CSGALNACT1: variants seen among roughly 807,000 people sequenced by gnomAD.
CSGALNACT1 encodes the protein beta4GalNAcT-1.
Under a neutral mutation model 51.0 loss-of-function variants are expected in CSGALNACT1, and 52 were observed. The ratio of observed to expected loss-of-function variants is 1.02; its 90% CI spans 0.82 to 1.29. The LOEUF (loss-of-function observed/expected upper bound fraction) is 1.29, where lower values mean the gene tolerates loss of function less well. Among genes scored for constraint, CSGALNACT1 ranks in the 50% most tolerant of loss-of-function variants. The pLI is 0.00. For synonymous variants in CSGALNACT1, 341 were observed against 254.4 expected (o/e 1.34, Z -3.24); for missense variants, 935 against 679.2 (o/e 1.38, Z -4.19).
chr8:19,411,958 G>C (rs2153675409), intron 8 of CSGALNACT1, among the ~76,000 whole-genome samples: 1 of 151,854 alleles, frequency 6.6e-6, no homozygotes, highest in South Asian at 2.1e-4. Flanking sequence ...AGCCTCCCGA[G>C]TAGCTGGGAT....
At chr8:19,431,688 G>A (rs1371003299) in intron 6 of CSGALNACT1, among the ~76,000 whole-genome samples, 1 of 151,992 alleles carries the variant, frequency 6.6e-6, no homozygotes, top group African/African-American at 2.4e-5. Context: ...AGAGTAAGTT[G>A]GAAAGTGTTC....
At chr8:19,638,679 A>G (rs147862672) in intron 1 of CSGALNACT1, among the ~76,000 whole-genome samples, 1 of 152,326 alleles carries the variant, frequency 6.6e-6, no homozygotes, top group Admixed American at 6.5e-5. Context: ...AAGTGATCAT[A>G]TAAGTGAGAA....
At chr8:19,747,092 C>A (rs137873734) in intron 1 of CSGALNACT1, among the ~76,000 whole-genome samples, 2 of 152,340 alleles carry the variant, frequency 1.3e-5, no homozygotes, top group East Asian at 3.9e-4. Flanking sequence ...ACATTCACAT[C>A]CCATCCCACC....
upstream of CSGALNACT1, among the ~76,000 whole-genome samples, chr8:19,604,900 G>C (rs1216946527): frequency 1.4e-5 from 2 of 138,414 alleles, no homozygotes; most frequent in African/African-American, 5.6e-5. Context: ...GGGCGACAGA[G>C]CAAGACTCTG....
At chr8:19,724,816 G>C (rs2063307057) in intron 1 of CSGALNACT1, among the ~76,000 whole-genome samples, 1 of 152,182 alleles carries the variant, frequency 6.6e-6, no homozygotes, top group Non-Finnish European at 1.5e-5. Context: ...TCTGCGTGTT[G>C]TTGCCATGTG....
rs114433633 is a variant in CSGALNACT1, at chr8:19,484,699, G to C, written c.634+20502C>G. On this transcript the variant is annotated intron_variant, in intron 4 of 9. Transcript: ENST00000454498. ...TGTGTCTCCCCAAAATTCACATGTT[G>C]AAACTCTAATCCCTAGTACCTCAGA... 6.7e-3 allele frequency among the ~76,000 whole-genome samples: 1,013 copies of C among 152,282 alleles called. 18 individuals are homozygous for C. Among genetic ancestry groups the C allele is most frequent in the African/African-American group, 0.022 (931 of 41,552 alleles).
At chr8:19,429,798 G>A (rs1259819614) in intron 6 of CSGALNACT1, among the ~76,000 whole-genome samples, 1 of 152,206 alleles carries the variant, frequency 6.6e-6, no homozygotes, top group Non-Finnish European at 1.5e-5. Flanking sequence ...GTAAGGAACT[G>A]CCACACTGTT....
intron 1 of CSGALNACT1, among the ~76,000 whole-genome samples, chr8:19,731,909 G>A (rs1479681255): frequency 6.6e-6 from 1 of 152,152 alleles, no homozygotes; most frequent in Non-Finnish European, 1.5e-5. Flanking sequence ...TAATAACCAA[G>A]CTGTCAGGCC....
In CSGALNACT1 at chr8:19,424,522, C is replaced by T. The variant is rs534092885; in HGVS notation, c.954-4004G>A. Among the ~76,000 whole-genome samples the T allele has an allele frequency of 2.6e-3, 397 of 152,302 alleles. 3 individuals carry two copies. Among genetic ancestry groups the T allele is most frequent in the Non-Finnish European group, 4.7e-3 (321 of 68,014 alleles). On this transcript the variant is annotated intron_variant, in intron 6 of 9. Transcript: ENST00000454498. ...CATGAAAAAAAATCAAGACAACTTC[C>T]TGTCTTTGCCAAACCTCCTGGGCCT...
chr8:19,405,127 A>T, exon 10 of CSGALNACT1: 1 of 453,026 alleles, frequency 2.2e-6, no homozygotes, highest in Non-Finnish European at 4.4e-6. Context: ...TAAGCAGACT[A>T]TAACTCACAA....
chr8:19,658,871 T>G (rs950499615), intron 1 of CSGALNACT1, among the ~76,000 whole-genome samples: 1 of 152,244 alleles, frequency 6.6e-6, no homozygotes, highest in Admixed American at 6.5e-5. Context: ...ACATAGTGTT[T>G]ATCTTCCAAC....
intron 1 of CSGALNACT1, among the ~76,000 whole-genome samples, chr8:19,746,241 C>T (rs953050098): frequency 6.6e-6 from 1 of 152,070 alleles, no homozygotes; most frequent in African/African-American, 2.4e-5. Flanking sequence ...CTCCTGGGGT[C>T]AGAATCCACT....
intron 4 of CSGALNACT1, among the ~76,000 whole-genome samples, chr8:19,483,652 CA>C (rs1401066380): frequency 6.6e-6 from 1 of 152,196 alleles, no homozygotes; most frequent in African/African-American, 2.4e-5. Flanking sequence ...ATGCCCCATA[CA>C]ACAATTATGT....
chr8:19,592,238 C>T (rs912972011), intron 2 of CSGALNACT1, among the ~76,000 whole-genome samples: 33 of 152,222 alleles, frequency 2.2e-4, no homozygotes, highest in African/African-American at 7.5e-4. Context: ...AACCAGAACC[C>T]AGTACATTAG....
rs138170478 is a variant in CSGALNACT1 at position 19,583,284 on chromosome 8, C to T, written c.-297+7876G>A. Reference sequence around the variant, plus strand: ...TTATAATTGTCCATGTATTTATCTACAGTGATAGTACTTTTTTCTTTGTAC... The same window carrying T: ...TTATAATTGTCCATGTATTTATCTATAGTGATAGTACTTTTTTCTTTGTAC... On this transcript the variant is annotated intron_variant, in intron 3 of 9. Coordinates refer to ENST00000454498, the Ensembl canonical transcript of CSGALNACT1. Among the ~76,000 whole-genome samples, 478 of 152,284 alleles carry T rather than the reference C, an allele frequency of 3.1e-3. 4 individuals are homozygous for T. Among genetic ancestry groups the T allele is most frequent in the African/African-American group, 0.011 (447 of 41,568 alleles).
chr8:19,552,459 G>T (rs1176862144), intron 3 of CSGALNACT1, among the ~76,000 whole-genome samples: 1 of 152,038 alleles, frequency 6.6e-6, no homozygotes, highest in Non-Finnish European at 1.5e-5. Context: ...CAACAGACCT[G>T]CATGCAGAAA....
intron 8 of CSGALNACT1, among the ~76,000 whole-genome samples, chr8:19,415,564 T>C (rs1195651946): frequency 1.3e-5 from 2 of 152,174 alleles, no homozygotes; most frequent in Admixed American, 6.5e-5. Context: ...TGTGAGAAAC[T>C]TGCCTAACTG....
chr8:19,457,484 G>T (rs995345443), intron 5 of CSGALNACT1: 2 of 387,852 alleles, frequency 5.2e-6, no homozygotes, highest in Admixed American at 3.4e-5. Flanking sequence ...ATGGTAATGG[G>T]CATCTGTAAT....
chr8:19,614,529 G>A (rs149425121), intron 1 of CSGALNACT1, among the ~76,000 whole-genome samples: 447 of 152,252 alleles, frequency 2.9e-3, no homozygotes, highest in Non-Finnish European at 4.5e-3. Flanking sequence ...ACAGCTCAAT[G>A]AGTTTTTACA....
Sources: gnomAD v4.1 joint callset for allele counts (sites outside exome capture counted in the v4.1 genomes callset) on GRCh38, gnomAD v4.1.1 for gene constraint, MANE v1.5 for transcripts, NCBI Gene and HGNC (gene_info 2026-07-23, HGNC 2026-07-21) for gene names.